The following SVIL variants were observed in gnomAD, a reference collection of about 807,000 sequenced individuals.
SVIL encodes the protein archvillin.
In SVIL, 101 loss-of-function variants were observed where a neutral mutation model predicts 240.4. The ratio of observed to expected loss-of-function variants is 0.42; its 90% CI spans 0.36 to 0.50. SVIL has a LOEUF of 0.50. Among genes scored for constraint, SVIL ranks in the 20% least tolerant of loss-of-function variants. The pLI is 0.01. For missense variants in SVIL, 2,512 were observed against 2,818.7 expected (o/e 0.89, Z 2.46); for synonymous variants, 999 against 1,100.0 (o/e 0.91, Z 1.82).
At chr10:29,599,967 C>A (rs1956751928) in intron 1 of SVIL, among the ~76,000 whole-genome samples, 1 of 151,910 alleles carries the variant, frequency 6.6e-6, no homozygotes, top group Non-Finnish European at 1.5e-5. Flanking sequence ...CACAAAAGAA[C>A]CAATAAAATC....
chr10:29,722,502 G>A (rs991769177), intron 1 of SVIL, among the ~76,000 whole-genome samples: 1 of 152,086 alleles, frequency 6.6e-6, no homozygotes, highest in East Asian at 1.9e-4. Context: ...GAAAAAGAAC[G>A]AAAGAAAGAA....
At chr10:29,656,448 C>T (rs764937170) in intron 3 of SVIL, among the ~76,000 whole-genome samples, 3 of 151,740 alleles carry the variant, frequency 2.0e-5, no homozygotes, top group Non-Finnish European at 2.9e-5. Context: ...ACCCAACAGT[C>T]CCATATAGCT....
chr10:29,552,897 T>C (rs1953508132), intron 5 of SVIL, among the ~76,000 whole-genome samples: 1 of 152,194 alleles, frequency 6.6e-6, no homozygotes, highest in Admixed American at 6.5e-5. Flanking sequence ...ACTTCACATA[T>C]ACTACACAGA....
chr10:29,555,234 C>T (rs1202087277), intron 3 of SVIL, 126 bp from the exon 4 acceptor site: 15 of 911,280 alleles, frequency 1.6e-5, no homozygotes, highest in Non-Finnish European at 2.1e-5. Flanking sequence ...CAGTGACATG[C>T]AAAACTGACC....
intron 3 of SVIL, among the ~76,000 whole-genome samples, chr10:29,652,254 T>G (rs908966687): frequency 1.3e-5 from 2 of 152,194 alleles, no homozygotes; most frequent in African/African-American, 2.4e-5. Flanking sequence ...CTACTTTGTG[T>G]CTATGGATTT....
At chr10:29,602,846 C>T (rs1320959210) in intron 1 of SVIL, among the ~76,000 whole-genome samples, 3 of 152,042 alleles carry the variant, frequency 2.0e-5, no homozygotes, top group Non-Finnish European at 2.9e-5. Context: ...ATCAGCCAGG[C>T]GTGGTGGCAG....
At chr10:29,558,038 C>T (rs1168439032) in intron 3 of SVIL, among the ~76,000 whole-genome samples, 4 of 152,174 alleles carry the variant, frequency 2.6e-5, no homozygotes, top group African/African-American at 9.7e-5. Flanking sequence ...TTTCTAAAGC[C>T]CCTTAGGGAC....
chr10:29,598,104 G>A (rs370100078), intron 1 of SVIL, among the ~76,000 whole-genome samples: 3 of 152,054 alleles, frequency 2.0e-5, no homozygotes, highest in African/African-American at 4.8e-5. Flanking sequence ...CTGCTACAAC[G>A]TAGATCATGC....
Position 29,533,174 on chromosome 10 carries a change from G to A in SVIL, c.1193C>T (p.Thr398Ile), listed in dbSNP as rs1293101308. 5 of 1,614,096 alleles carry A rather than the reference G, an allele frequency of 3.1e-6. No individual in the cohort carries two copies. The highest frequency in any genetic ancestry group is 2.7e-5 in the African/African-American group (2 of 74,994). The change falls in exon 8 of 38, where the codon ACC (threonine) becomes ATC (isoleucine). Residue 398 changes from threonine (T) to isoleucine (I), a missense_variant. Coordinates refer to ENST00000355867, the MANE Select transcript of SVIL (RefSeq NM_021738.3). ...ASECSWVASATQNVPKPPSLT... is the reference protein window; with the variant it reads ...ASECSWVASAIQNVPKPPSLT... ...GCTGGGAGGTTTGGGGACATTCTGG[G>A]TGGCTGATGCTACCCAGCTACACTC...
intron 1 of SVIL, among the ~76,000 whole-genome samples, chr10:29,590,882 C>T (rs1402411041): frequency 6.6e-6 from 1 of 152,198 alleles, no homozygotes; most frequent in Non-Finnish European, 1.5e-5. Flanking sequence ...AGAAAAGAAT[C>T]AATGCATCTC....
rs189465082 is a variant in SVIL at position 29,626,199 on chromosome 10, A to C, written c.-201+8221T>G. On this transcript the variant is annotated intron_variant, in intron 1 of 37. Coordinates refer to ENST00000355867, the MANE Select transcript of SVIL (RefSeq NM_021738.3). ...TAGATCTTAAGTTTTCTCAAGGCACACACACACGGTTATGGCCCCTACATC... is the reference window on the plus strand; with the variant it reads ...TAGATCTTAAGTTTTCTCAAGGCACCCACACACGGTTATGGCCCCTACATC... Among the ~76,000 whole-genome samples, 77 of 152,318 alleles carry C rather than the reference A, an allele frequency of 5.1e-4. No homozygotes were observed. The South Asian group carries it at 9.9e-3, about 20-fold the overall frequency.
chr10:29,728,276 A>C (rs1359129023), intron 1 of SVIL, among the ~76,000 whole-genome samples: 1 of 152,252 alleles, frequency 6.6e-6, no homozygotes, highest in East Asian at 1.9e-4. Context: ...AAGGTTATCC[A>C]AAACAAGCTT....
upstream of SVIL, chr10:29,735,847 C>G (rs976133752): frequency 3.3e-5 from 5 of 152,200 alleles, no homozygotes; most frequent in African/African-American, 1.2e-4. This position sits in a 1 kb window ranked among gnomAD's most constrained non-coding sequence, Gnocchi z 4.1. Context: ...GCGGCCACGC[C>G]CCGCCTCGTT....
chr10:29,651,523 C>A (rs1958834501), intron 3 of SVIL, among the ~76,000 whole-genome samples: 1 of 152,086 alleles, frequency 6.6e-6, no homozygotes, highest in Non-Finnish European at 1.5e-5. Context: ...CTTGTGCTCA[C>A]TCTCTTACTT....
chr10:29,556,845 A>G (rs549065992), intron 3 of SVIL, among the ~76,000 whole-genome samples: 1 of 152,284 alleles, frequency 6.6e-6, no homozygotes, highest in Admixed American at 6.5e-5. Context: ...ATATTTTGAA[A>G]ATATTTTCAA....
At chr10:29,626,565 G>T (rs939029289) in intron 1 of SVIL, among the ~76,000 whole-genome samples, 2 of 152,178 alleles carry the variant, frequency 1.3e-5, no homozygotes, top group African/African-American at 4.8e-5. Flanking sequence ...AGGCATCCCT[G>T]AGCGAGTCTG....
intron 28 of SVIL, 114 bp downstream of exon 28, chr10:29,481,470 T>C: frequency 7.6e-7 from 1 of 1,321,684 alleles, no homozygotes; most frequent in South Asian, 1.3e-5. Flanking sequence ...AAAGAAATGA[T>C]ACATCTGGGG....
In SVIL at chr10:29,532,499, C is replaced by T. The variant is rs374410372; in HGVS notation, c.1838+30G>A. ...TTCTGCCAGGGACGTGCAAGTGACA[C>T]AGCTGGAGGGCGTGTGAAGCATCAC... On this transcript the variant is annotated intron_variant, in intron 8 of 37. Coordinates refer to ENST00000355867, the MANE Select transcript of SVIL (RefSeq NM_021738.3). The T allele has an allele frequency of 2.2e-5, 35 of 1,579,018 alleles. No homozygotes were observed. In the African/African-American group the frequency reaches 3.2e-4, roughly 15 times the overall value.
At chr10:29,638,358 C>T (rs754813783), upstream of SVIL, among the ~76,000 whole-genome samples, 55 of 151,656 alleles carry the variant, frequency 3.6e-4, no homozygotes, top group Non-Finnish European at 2.8e-4. Flanking sequence ...CCCAGCTTCT[C>T]GGGAGGCTGA....
Sources: allele counts gnomAD v4.1 joint callset (sites outside exome capture counted in the v4.1 genomes callset), GRCh38; gene constraint gnomAD v4.1.1; non-coding constraint Gnocchi (gnomAD v3.1); transcripts MANE v1.5; gene names NCBI Gene and HGNC (gene_info 2026-07-23, HGNC 2026-07-21).